Variants in IFTAP observed in about 807,000 individuals in gnomAD.
IFTAP encodes the protein intraflagellar transport-associated protein.
A neutral mutation model predicts 19.4 loss-of-function variants in IFTAP; 19 were observed. The observed-to-expected ratio is 0.98, with a 90% CI of 0.68 to 1.44. The LOEUF is 1.44. Ranked by LOEUF, IFTAP falls within the 40% of genes most tolerant of loss-of-function variation. IFTAP has a pLI of 0.00. For missense variants in IFTAP, 240 were observed against 253.6 expected (o/e 0.95, Z 0.36); for synonymous variants, 85 against 83.5 (o/e 1.02, Z -0.10).
chr11:36,625,289 ATTATT>A (rs1814702831), intron 2 of IFTAP, among the ~76,000 whole-genome samples: 1 of 152,126 alleles, frequency 6.6e-6, no homozygotes, highest in South Asian at 2.1e-4. Context: ...TATTACCTGA[ATTATT>A]TTAAAGGCTC....
intron 5 of IFTAP, 54 bp downstream of exon 5, chr11:36,648,209 T>A: frequency 6.4e-7 from 1 of 1,574,746 alleles, no homozygotes; most frequent in East Asian, 2.3e-5. Flanking sequence ...TTGTAATTCA[T>A]CCCTTCAAAG....
At chr11:36,646,712 A>G (rs1853501161) in intron 4 of IFTAP, among the ~76,000 whole-genome samples, 2 of 152,174 alleles carry the variant, frequency 1.3e-5, no homozygotes, top group Admixed American at 1.3e-4. Context: ...TGCCGTTTTT[A>G]GCTGTGGGAT....
chr11:36,645,058 C>G (rs1164377880), intron 4 of IFTAP, among the ~76,000 whole-genome samples: 2 of 151,880 alleles, frequency 1.3e-5, no homozygotes, highest in African/African-American at 2.4e-5. Context: ...TTATCTATAT[C>G]CTTTTTGTAT....
At chr11:36,632,506 C>G (rs1246533628) in intron 2 of IFTAP, among the ~76,000 whole-genome samples, 1 of 151,048 alleles carries the variant, frequency 6.6e-6, no homozygotes, top group Non-Finnish European at 1.5e-5. Flanking sequence ...CCCCACATTT[C>G]TTTTAATAGC....
At chr11:36,600,705 A>G (rs981247931) in intron 1 of IFTAP, among the ~76,000 whole-genome samples, 20 of 152,262 alleles carry the variant, frequency 1.3e-4, no homozygotes, top group African/African-American at 4.8e-4. Context: ...TTTTCTTAAA[A>G]GTTCTTCGAA....
chr11:36,598,531 G>GT (rs1338896766), intron 1 of IFTAP, among the ~76,000 whole-genome samples: 1 of 152,174 alleles, frequency 6.6e-6, no homozygotes, highest in Non-Finnish European at 1.5e-5. Flanking sequence ...AAATGAGAAA[G>GT]TATTTGTCCT....
chr11:36,627,204 G>C (rs559111208), intron 2 of IFTAP, among the ~76,000 whole-genome samples: 1 of 151,306 alleles, frequency 6.6e-6, no homozygotes, highest in Admixed American at 6.5e-5. Flanking sequence ...AGTGACTGCA[G>C]ATGGGCTCCA....
At position 36,605,758 on chromosome 11, in the gene IFTAP, A is replaced by G. The variant is rs889636248; in HGVS notation, c.-23-4323A>G. ...GTGAAAGTGTTGCTTGTGATTTACC[A>G]GCAGATATTTATACACATTTACTTA... On this transcript the variant is annotated intron_variant, in intron 1 of 5. Coordinates refer to ENST00000334307, the MANE Select transcript of IFTAP (RefSeq NM_138787.4). 2.7e-4 allele frequency among the ~76,000 whole-genome samples: 41 copies of G among 152,272 alleles called. 1 individual carries two copies. Among genetic ancestry groups the G allele is most frequent in the Non-Finnish European group, 5.3e-4 (36 of 68,028 alleles).
intron 2 of IFTAP, among the ~76,000 whole-genome samples, chr11:36,617,204 T>C (rs1186888588): frequency 6.7e-6 from 1 of 149,132 alleles, no homozygotes; most frequent in Non-Finnish European, 1.5e-5. Context: ...TTTGTATATA[T>C]ATTTATTTAT....
intron 3 of IFTAP, among the ~76,000 whole-genome samples, chr11:36,635,257 CTT>C (rs920838858): frequency 2.0e-4 from 30 of 152,130 alleles, no homozygotes; most frequent in Non-Finnish European, 3.7e-4. Flanking sequence ...AACCTTATTC[CTT>C]TACTAGGTCT....
At chr11:36,609,484 G>T (rs1379708543) in intron 1 of IFTAP, among the ~76,000 whole-genome samples, 1 of 152,138 alleles carries the variant, frequency 6.6e-6, no homozygotes, top group East Asian at 1.9e-4. Flanking sequence ...TGGATGTGTT[G>T]ATGCAAAGGC....
chr11:36,634,594 G>T (rs1852864281), intron 3 of IFTAP, among the ~76,000 whole-genome samples: 1 of 152,060 alleles, frequency 6.6e-6, no homozygotes, highest in Non-Finnish European at 1.5e-5. Flanking sequence ...AATATGTGAT[G>T]GATGAAGGCC....
chr11:36,644,993 TATA>T (rs149070033), intron 4 of IFTAP, among the ~76,000 whole-genome samples: 41,058 of 150,176 alleles, frequency 0.27, 6,552 homozygotes, highest in African/African-American at 0.44. Flanking sequence ...GAATTTAAAG[TATA>T]ATAATAATAA....
In IFTAP at chr11:36,659,052, GATGAAGA is replaced by G; in HGVS notation, c.535_541del (p.Glu179LeufsTer6). The G allele has an allele frequency of 6.2e-7, 1 of 1,600,648 alleles. No individual in the cohort carries two copies. The highest frequency in any genetic ancestry group is 8.5e-7 in the Non-Finnish European group (1 of 1,174,222). On this transcript the variant is annotated frameshift_variant, in exon 6 of 6. Transcript: ENST00000334307. LOFTEE classifies it low-confidence loss of function (END_TRUNC). ...AGATGAAGTTCAACTTTTTTCACTTGATGAAGAATTTGATTATGACAATGTGATGCTA... is the reference window on the plus strand; with the variant it reads ...AGATGAAGTTCAACTTTTTTCACTTGATTTGATTATGACAATGTGATGCTA...
rs12277468 is a variant in IFTAP at position 36,643,469 on chromosome 11, A to G, written c.359-4547A>G. ...ATGCCATCCCCATCAAGCTACCAAT[A>G]ACTTTCTTCATATAATTGGAAAAAC... On this transcript the variant is annotated intron_variant, in intron 4 of 5. Transcript: ENST00000334307. Among the ~76,000 whole-genome samples the G allele has an allele frequency of 5.7e-4, 87 of 152,150 alleles. No homozygotes were observed. The South Asian group carries it at 0.015, about 27-fold the overall frequency.
chr11:36,653,824 C>A (rs1472569475), intron 5 of IFTAP, among the ~76,000 whole-genome samples: 1 of 152,138 alleles, frequency 6.6e-6, no homozygotes, highest in Non-Finnish European at 1.5e-5. Context: ...CAGTGCCATG[C>A]ATATAGTAGG....
At chr11:36,647,178 TTTGAG>T (rs1444290824) in intron 4 of IFTAP, among the ~76,000 whole-genome samples, 1 of 152,118 alleles carries the variant, frequency 6.6e-6, no homozygotes, top group Non-Finnish European at 1.5e-5. Context: ...TAGGATCATC[TTTGAG>T]AAGTAGGCAG....
chr11:36,647,888 C>A, intron 4 of IFTAP, 128 bp from the exon 5 acceptor site: 2 of 1,033,206 alleles, frequency 1.9e-6, no homozygotes, highest in East Asian at 2.4e-5. Context: ...GGAGGACAGG[C>A]ATTGTGAAAT....
intron 1 of IFTAP, among the ~76,000 whole-genome samples, chr11:36,604,246 G>A (rs16929126): frequency 0.1 from 15,395 of 152,062 alleles, 988 homozygotes; most frequent in African/African-American, 0.17. Flanking sequence ...TCACAGCAAA[G>A]GGCTATACCT....
Sources: allele counts gnomAD v4.1 joint callset (sites outside exome capture counted in the v4.1 genomes callset), GRCh38; gene constraint gnomAD v4.1.1; transcripts MANE v1.5; gene names NCBI Gene and HGNC (gene_info 2026-07-23, HGNC 2026-07-21).